CTNNA3: variants seen among roughly 807,000 people sequenced by gnomAD.
CTNNA3 encodes the protein catenin alpha 3.
In CTNNA3, 76 loss-of-function variants were observed where a neutral mutation model predicts 95.7. That is an observed-to-expected ratio of 0.79 (90% CI 0.66 to 0.96). The LOEUF (loss-of-function observed/expected upper bound fraction) is 0.96, where lower values mean the gene tolerates loss of function less well. Ranked by LOEUF, CTNNA3 falls within the 40% of genes least tolerant of loss-of-function variation. The pLI is 0.00. For synonymous variants in CTNNA3, 431 were observed against 374.4 expected (o/e 1.15, Z -1.74); for missense variants, 1,191 against 1,089.8 (o/e 1.09, Z -1.31).
chr10:67,370,557 C>T (rs932419231), intron 5 of CTNNA3, among the ~76,000 whole-genome samples: 1 of 152,074 alleles, frequency 6.6e-6, no homozygotes, highest in African/African-American at 2.4e-5. Flanking sequence ...ATTTGGGGGT[C>T]CTGGTTATAC....
intron 8 of CTNNA3, among the ~76,000 whole-genome samples, chr10:66,766,719 G>A (rs1205054851): frequency 6.6e-6 from 1 of 152,134 alleles, no homozygotes; most frequent in Non-Finnish European, 1.5e-5. Context: ...AAGAAATTGT[G>A]TTATTAGAAT....
chr10:66,073,569 G>T (rs1589328663), intron 14 of CTNNA3, among the ~76,000 whole-genome samples: 1 of 152,066 alleles, frequency 6.6e-6, no homozygotes, highest in Non-Finnish European at 1.5e-5. Flanking sequence ...TTCCAGTCTT[G>T]AAGTTTTATA....
intron 1 of CTNNA3, among the ~76,000 whole-genome samples, chr10:67,726,679 A>ATAATATATATCATATATCATATATCAT (rs1564841422): frequency 1.2e-5 from 1 of 80,460 alleles, no homozygotes; most frequent in African/African-American, 5.2e-5. Flanking sequence ...TTAATTATAT[A>ATAATATATATCATATATCATATATCAT]ATATATGATG....
intron 6 of CTNNA3, among the ~76,000 whole-genome samples, chr10:67,188,023 T>A (rs530991531): frequency 2.4e-4 from 37 of 152,324 alleles, no homozygotes; most frequent in Non-Finnish European, 2.2e-4. Context: ...AATAGAATGG[T>A]GAGCATCCCT....
rs1864559673 is a variant in CTNNA3, at chr10:67,219,687, C to A, written c.763G>T (p.Ala255Ser). The change falls in exon 6 of 18, where the codon GCT becomes TCT. Residue 255 changes from alanine to serine, a missense_variant. Coordinates refer to ENST00000433211, the MANE Select transcript of CTNNA3 (RefSeq NM_013266.4). ...IQNALNVISN[A>S]SQGIQNMTTP... is the part of the protein sequence containing the mutation. ...GTCATATTCTGGATCCCTTGTGAAG[C>A]ATTTGAAATTACATTGAGAGCATTC... The A allele has an allele frequency of 1.2e-6, 2 of 1,614,034 alleles. No homozygotes were observed. The highest frequency in any genetic ancestry group is 1.7e-6 in the Non-Finnish European group (2 of 1,180,020).
intron 12 of CTNNA3, among the ~76,000 whole-genome samples, chr10:66,344,095 C>T (rs961681429): frequency 5.3e-5 from 8 of 150,834 alleles, no homozygotes; most frequent in African/African-American, 9.7e-5. Context: ...GACGTGGTGG[C>T]GGTTGCCTGT....
At chr10:66,071,972 G>A (rs987631378) in intron 14 of CTNNA3, among the ~76,000 whole-genome samples, 3 of 152,058 alleles carry the variant, frequency 2.0e-5, no homozygotes, top group Admixed American at 6.6e-5. Context: ...AAGAGAGGTC[G>A]GCAGAATTTT....
At chr10:67,714,333 C>G (rs917925627) in intron 1 of CTNNA3, among the ~76,000 whole-genome samples, 1 of 152,250 alleles carries the variant, frequency 6.6e-6, no homozygotes, top group African/African-American at 2.4e-5. Flanking sequence ...GAACCTACCT[C>G]TTGCATCACT....
intron 12 of CTNNA3, among the ~76,000 whole-genome samples, chr10:66,300,094 A>T (rs926590992): frequency 1.3e-5 from 2 of 151,834 alleles, no homozygotes; most frequent in Non-Finnish European, 2.9e-5. Flanking sequence ...GGTTTTCACC[A>T]TGTTGGCCAG....
intron 14 of CTNNA3, chr10:66,079,131 G>A (rs1446317560): frequency 1.3e-5 from 2 of 151,848 alleles, no homozygotes; most frequent in Non-Finnish European, 2.9e-5. Context: ...TCCTATTATT[G>A]TATTATAGCA....
At chr10:66,651,464 A>T (rs1401756179) in intron 9 of CTNNA3, among the ~76,000 whole-genome samples, 6 of 145,878 alleles carry the variant, frequency 4.1e-5, no homozygotes, top group African/African-American at 1.6e-4. Context: ...CAAGTGCCGC[A>T]CTCCTCAGCC....
At chr10:67,062,839 T>C (rs1158706801) in intron 7 of CTNNA3, among the ~76,000 whole-genome samples, 4 of 152,200 alleles carry the variant, frequency 2.6e-5, no homozygotes, top group African/African-American at 9.6e-5. Context: ...CAACAACAGC[T>C]GGAAGGCAGG....
chr10:66,332,863 T>G (rs1313784121), intron 12 of CTNNA3, among the ~76,000 whole-genome samples: 1 of 152,086 alleles, frequency 6.6e-6, no homozygotes, highest in African/African-American at 2.4e-5. Context: ...GTCCTGGACT[T>G]TTTTTGGTTG....
intron 5 of CTNNA3, among the ~76,000 whole-genome samples, chr10:67,343,568 A>G (rs1040635506): frequency 4.2e-4 from 64 of 152,104 alleles, no homozygotes; most frequent in African/African-American, 1.5e-3. Flanking sequence ...CACTGTTGGC[A>G]TATAGAAATG....
intron 3 of CTNNA3, among the ~76,000 whole-genome samples, chr10:67,540,487 A>G (rs370089724): frequency 1.3e-5 from 2 of 151,956 alleles, no homozygotes; most frequent in Admixed American, 1.3e-4. Flanking sequence ...AAAGTCTCCA[A>G]ACTAATCCCC....
intron 9 of CTNNA3, among the ~76,000 whole-genome samples, chr10:66,665,719 G>A (rs1487037721): frequency 6.6e-6 from 1 of 152,128 alleles, no homozygotes; most frequent in Non-Finnish European, 1.5e-5. Flanking sequence ...CTCAGCTGTG[G>A]AGAGATGACA....
Position 67,097,846 on chromosome 10 carries a change from G to A in CTNNA3, c.1047+82471C>T, listed in dbSNP as rs761110320. 13 of 1,526,456 alleles carry A rather than the reference G, an allele frequency of 8.5e-6. No homozygotes were observed. The South Asian group carries it at 1.2e-4, about 15-fold the overall frequency. The allele number at this position is 1,526,456 out of a possible 1,614,324, so 94.6% of individuals were successfully genotyped here. ...TGCTACCAAACTTTGTAACCTCAAG[G>A]ACAAAATGAGGAAGATGTGTTCATT... On this transcript the variant is annotated intron_variant, in intron 7 of 17. Coordinates refer to ENST00000433211, the MANE Select transcript of CTNNA3 (RefSeq NM_013266.4).
intron 11 of CTNNA3, among the ~76,000 whole-genome samples, chr10:66,474,587 A>G (rs1253128931): frequency 1.3e-5 from 2 of 152,016 alleles, no homozygotes; most frequent in African/African-American, 4.8e-5. Flanking sequence ...GGATGATCCC[A>G]TAGCTGTATT....
intron 7 of CTNNA3, among the ~76,000 whole-genome samples, chr10:67,047,109 A>G (rs1211525277): frequency 1.3e-5 from 2 of 152,208 alleles, no homozygotes; most frequent in East Asian, 3.9e-4. Context: ...CAATGAAGAC[A>G]GTACTCAGAC....
Sources: gnomAD v4.1 joint callset for allele counts (sites outside exome capture counted in the v4.1 genomes callset) on GRCh38, gnomAD v4.1.1 for gene constraint, MANE v1.5 for transcripts, NCBI Gene and HGNC (gene_info 2026-07-23, HGNC 2026-07-21) for gene names.